The following TBC1D8 variants were observed in gnomAD, a reference collection of about 807,000 sequenced individuals.
TBC1D8 encodes BUB2-like protein 1.
In TBC1D8, 65 loss-of-function variants were observed where a neutral mutation model predicts 118.8. The ratio of observed to expected loss-of-function variants is 0.55; its 90% confidence interval spans 0.45 to 0.67. The LOEUF (loss-of-function observed/expected upper bound fraction) is 0.67, where lower values mean the gene tolerates loss of function less well. Among genes scored for constraint, TBC1D8 ranks in the 30% least tolerant of loss-of-function variants. The probability of loss-of-function intolerance (pLI) is 0.00; values close to 1 mark genes in which losing one functional copy is unlikely to be tolerated. For missense variants in TBC1D8, 1,376 were observed against 1,471.2 expected (o/e 0.94, Z 1.06); for synonymous variants, 566 against 595.8 (o/e 0.95, Z 0.73).
chr2:101,021,651 A>C, intron 17 of TBC1D8, 30 bp downstream of exon 17: 1 of 1,461,518 alleles, frequency 6.8e-7, no homozygotes, highest in Non-Finnish European at 9.6e-7. Flanking sequence ...AGCAGAGCAC[A>C]GTCTGATTTT....
intron 1 of TBC1D8, among the ~76,000 whole-genome samples, chr2:101,101,451 A>G (rs1392720282): frequency 1.3e-5 from 2 of 152,202 alleles, no homozygotes; most frequent in Non-Finnish European, 2.9e-5. Context: ...TGTTGGTGGG[A>G]ATGTAAATTA....
At position 101,033,721 on chromosome 2, in the gene TBC1D8, G is replaced by A. The variant is rs368051194; in HGVS notation, c.1641C>T (p.Tyr547=). ...CCAGGGACTCCTCCACCAGATTCCC[G>A]TAGTAACCAGGGTGTGAGGCAAGAT... is the stretch of plus-strand genomic sequence containing the variant. ...VTDLASHPGY[Y]GNLVEESLGK... Residue 547 remains tyrosine (Y), a synonymous_variant, in exon 10 of 20, where the codon TAC becomes TAT. Coordinates refer to ENST00000409318, the MANE Select transcript of TBC1D8 (RefSeq NM_001330348.2). 2.2e-5 allele frequency: 35 copies of A among 1,613,754 alleles called. No homozygotes were observed. The highest frequency in any genetic ancestry group is 2.0e-4 in the African/African-American group (15 of 74,892).
chr2:101,021,778 C>T (rs1169169468), intron 16 of TBC1D8, 32 bp from the exon 17 acceptor site: 1 of 1,373,626 alleles, frequency 7.3e-7, no homozygotes, highest in South Asian at 1.2e-5. Flanking sequence ...TGAGTTGATG[C>T]CAATGCTGAA....
At chr2:101,134,151 A>G (rs1056350860) in intron 1 of TBC1D8, among the ~76,000 whole-genome samples, 2 of 150,332 alleles carry the variant, frequency 1.3e-5, no homozygotes, top group African/African-American at 4.9e-5. Context: ...TTCACACTTT[A>G]GCACTCCCTC....
At chr2:101,087,313 AC>A (rs1312237336) in intron 2 of TBC1D8, among the ~76,000 whole-genome samples, 1 of 152,038 alleles carries the variant, frequency 6.6e-6, no homozygotes, top group Non-Finnish European at 1.5e-5. Flanking sequence ...AGGGAAAAAA[AC>A]AGGAGTCCAG....
At chr2:101,024,402 A>ATTTTTTTT (rs34272976) in intron 15 of TBC1D8, among the ~76,000 whole-genome samples, 1 of 121,158 alleles carries the variant, frequency 8.3e-6, no homozygotes, top group African/African-American at 3.1e-5. Flanking sequence ...TGGGACTGTA[A>ATTTTTTTT]TTTTTTTTTT....
chr2:101,033,334 C>T (rs1353962487), intron 10 of TBC1D8: 11 of 670,536 alleles, frequency 1.6e-5, no homozygotes, highest in East Asian at 8.5e-5. Flanking sequence ...AGGATGGTCT[C>T]GATCTCCTGA....
intron 7 of TBC1D8, among the ~76,000 whole-genome samples, chr2:101,038,214 C>T (rs1305863385): frequency 6.6e-6 from 1 of 152,176 alleles, no homozygotes; most frequent in East Asian, 1.9e-4. Context: ...TCAGGCCATC[C>T]TCAAACCTCA....
intron 5 of TBC1D8, among the ~76,000 whole-genome samples, chr2:101,043,344 G>A (rs1681499915): frequency 6.6e-6 from 1 of 152,208 alleles, no homozygotes; most frequent in African/African-American, 2.4e-5. Context: ...TATGTCTGGT[G>A]CATTTAAATT....
intron 9 of TBC1D8, among the ~76,000 whole-genome samples, chr2:101,034,160 A>C (rs576213585): frequency 1.3e-5 from 2 of 152,178 alleles, no homozygotes; most frequent in Non-Finnish European, 2.9e-5. Context: ...TAAGGACTTC[A>C]TTTCTGCCAT....
intron 2 of TBC1D8, among the ~76,000 whole-genome samples, chr2:101,074,971 T>G (rs1674714577): frequency 6.6e-6 from 1 of 152,042 alleles, no homozygotes; most frequent in Admixed American, 6.6e-5. Context: ...AGTTAAATAA[T>G]CATTAAAAAA....
In TBC1D8 at chr2:101,032,302, C is replaced by T. The variant is rs1371237451; in HGVS notation, c.1902G>A (p.Arg634=). The change falls in exon 11 of 20, where the codon CGG becomes CGA. Residue 634 remains arginine, a synonymous_variant. Coordinates refer to ENST00000409318, the MANE Select transcript of TBC1D8 (RefSeq NM_001330348.2). The part of the protein sequence containing the change: ...AFWLLVAVCE[R]MLPDYFNHRV... ...GGTGGTTGAAGTAATCGGGCAGCAT[C>T]CGCTCACACACAGCAACCAACAGCC... 6.2e-7 allele frequency: 1 copy of T among 1,613,848 alleles called. No individual in the cohort carries two copies. Among genetic ancestry groups the T allele is most frequent in the Non-Finnish European group, 8.5e-7 (1 of 1,179,806 alleles).
At chr2:101,128,960 A>C (rs1226027087) in intron 1 of TBC1D8, among the ~76,000 whole-genome samples, 2 of 152,046 alleles carry the variant, frequency 1.3e-5, no homozygotes, top group Admixed American at 6.6e-5. Context: ...GAGCAGGGGG[A>C]GTTATTTATT....
Position 101,095,406 on chromosome 2 carries a change from C to T in TBC1D8, c.128-5042G>A, listed in dbSNP as rs530474983. On this transcript the variant is annotated intron_variant, in intron 1 of 19. Coordinates refer to ENST00000409318, the MANE Select transcript of TBC1D8 (RefSeq NM_001330348.2). ...CCTAATGCTATCTCCCCCCCCCTCC[C>T]CCCACCCCACAACAGTCCCCGGTGT... 8.0e-4 allele frequency among the ~76,000 whole-genome samples: 111 copies of T among 138,072 alleles called. 1 individual carries two copies. The highest frequency in any genetic ancestry group is 2.9e-3 in the African/African-American group (108 of 37,642). The allele number at this position is 138,072 out of a possible 152,430, so 90.6% of individuals were successfully genotyped here.
At chr2:101,041,046 T>C (rs916529423) in intron 5 of TBC1D8, among the ~76,000 whole-genome samples, 1 of 152,170 alleles carries the variant, frequency 6.6e-6, no homozygotes. Context: ...TGATAACAAG[T>C]GGTGAGGAGG....
At chr2:101,133,781 G>C (rs986395790) in intron 1 of TBC1D8, among the ~76,000 whole-genome samples, 1 of 152,110 alleles carries the variant, frequency 6.6e-6, no homozygotes, top group Non-Finnish European at 1.5e-5. Flanking sequence ...CCTGAGACTG[G>C]GCAATTAATA....
At chr2:101,008,878 A>G (rs1287419008) in intron 19 of TBC1D8, among the ~76,000 whole-genome samples, 1 of 152,164 alleles carries the variant, frequency 6.6e-6, no homozygotes, top group East Asian at 1.9e-4. Context: ...GCTAGAGTTT[A>G]TAATAGGAAA....
At chr2:101,033,346 C>T in intron 10 of TBC1D8, 198 bp downstream of exon 10, 2 of 709,282 alleles carry the variant, frequency 2.8e-6, no homozygotes, top group East Asian at 2.8e-5. Flanking sequence ...ATCTCCTGAC[C>T]TCATGATCCG....
At chr2:101,090,460 T>C (rs1675961596) in intron 1 of TBC1D8, 96 bp from the exon 2 acceptor site, 1 of 1,343,512 alleles carries the variant, frequency 7.4e-7, no homozygotes, top group East Asian at 2.4e-5. Context: ...GACTCCATGC[T>C]GGGGTAGCAG....
Sources: gnomAD v4.1 joint callset for allele counts (sites outside exome capture counted in the v4.1 genomes callset) on GRCh38, gnomAD v4.1.1 for gene constraint, MANE v1.5 for transcripts, NCBI Gene and HGNC (gene_info 2026-07-23, HGNC 2026-07-21) for gene names.